The following DIAPH3 variants were observed in gnomAD, a reference collection of about 807,000 sequenced individuals.
The protein encoded by DIAPH3 is protein diaphanous homolog 3.
A neutral mutation model predicts 144.3 loss-of-function variants in DIAPH3; 117 were observed. That is an observed-to-expected ratio of 0.81 (90% CI 0.70 to 0.95). DIAPH3 has a LOEUF of 0.95. DIAPH3 is among the 40% of genes least tolerant of loss of function. The pLI is 0.00. For missense variants in DIAPH3, 1,421 were observed against 1,412.7 expected (o/e 1.01, Z -0.09); for synonymous variants, 519 against 488.9 (o/e 1.06, Z -0.81).
chr13:59,779,622 C>T (rs544957854), intron 25 of DIAPH3, among the ~76,000 whole-genome samples: 4 of 152,066 alleles, frequency 2.6e-5, no homozygotes, highest in African/African-American at 9.6e-5. Flanking sequence ...AGCGATTCTC[C>T]TGTCTCAGCC....
At chr13:59,971,196 C>T (rs1229948964) in intron 15 of DIAPH3, 36 bp from the exon 16 acceptor site, 1 of 1,540,900 alleles carries the variant, frequency 6.5e-7, no homozygotes, top group Non-Finnish European at 8.8e-7. Flanking sequence ...TAACTAAGAA[C>T]ATATCTACAA....
intron 4 of DIAPH3, among the ~76,000 whole-genome samples, chr13:60,074,628 A>C (rs1287444728): frequency 3.9e-5 from 6 of 152,228 alleles, no homozygotes; most frequent in African/African-American, 1.4e-4. Context: ...GTGCAAGATA[A>C]TCACTGCAAA....
chr13:59,953,414 A>C (rs1019601324), intron 17 of DIAPH3, among the ~76,000 whole-genome samples: 4 of 152,148 alleles, frequency 2.6e-5, no homozygotes, highest in African/African-American at 7.2e-5. Flanking sequence ...TGAAGGTAGA[A>C]AGAGAACTAC....
At position 60,104,909 on chromosome 13, in the gene DIAPH3, C is replaced by T. The variant is rs551027671; in HGVS notation, c.390+7101G>A. On this transcript the variant is annotated intron_variant, in intron 3 of 27. Coordinates refer to ENST00000400324, the MANE Select transcript of DIAPH3 (RefSeq NM_001042517.2). ...AGGAGATCGAGACCATCCTGGCTAACACGGTGAAACCCCGTCTCTGCTAAA... is the reference window on the plus strand; with the variant it reads ...AGGAGATCGAGACCATCCTGGCTAATACGGTGAAACCCCGTCTCTGCTAAA... Among the ~76,000 whole-genome samples, 134 of 152,092 alleles carry T rather than the reference C, an allele frequency of 8.8e-4. No individual in the cohort carries two copies. The South Asian group carries it at 0.01, about 12-fold the overall frequency.
intron 2 of DIAPH3, among the ~76,000 whole-genome samples, chr13:60,122,590 C>A (rs921337397): frequency 6.6e-6 from 1 of 152,132 alleles, no homozygotes; most frequent in African/African-American, 2.4e-5. Flanking sequence ...GCCTGGAACA[C>A]CCTAGCCATT....
intron 9 of DIAPH3, among the ~76,000 whole-genome samples, chr13:59,993,505 T>C (rs1185344456): frequency 4.6e-5 from 7 of 151,638 alleles, no homozygotes; most frequent in African/African-American, 1.5e-4. Flanking sequence ...GCAAGGTTTA[T>C]ATGAATTTAA....
chr13:59,777,364 T>C (rs897759213), intron 25 of DIAPH3, among the ~76,000 whole-genome samples: 5 of 152,024 alleles, frequency 3.3e-5, no homozygotes, highest in African/African-American at 4.8e-5. Flanking sequence ...AAAAAATACA[T>C]AGTAATAAAA....
intron 20 of DIAPH3, among the ~76,000 whole-genome samples, chr13:59,895,008 T>C (rs2046009048): frequency 6.6e-6 from 1 of 152,084 alleles, no homozygotes; most frequent in Admixed American, 6.5e-5. Context: ...GAATAAAAAC[T>C]GACCTAATGA....
At chr13:59,689,795 G>GTGTT (rs2033408981) in intron 27 of DIAPH3, among the ~76,000 whole-genome samples, 2 of 151,454 alleles carry the variant, frequency 1.3e-5, no homozygotes, top group Admixed American at 6.6e-5. Context: ...TAAGCAGTGT[G>GTGTT]TGTGTGTGTG....
chr13:59,890,587 CA>C (rs879260275), intron 20 of DIAPH3, among the ~76,000 whole-genome samples: 105 of 142,920 alleles, frequency 7.3e-4, no homozygotes, highest in Admixed American at 1.3e-3. Context: ...TTTTAAAATA[CA>C]AAAAAAAAAA....
At chr13:60,124,966 C>T (rs961834255) in intron 2 of DIAPH3, among the ~76,000 whole-genome samples, 1 of 152,152 alleles carries the variant, frequency 6.6e-6, no homozygotes, top group African/African-American at 2.4e-5. Context: ...AGCCAATCTG[C>T]CAGAGTTTTC....
intron 22 of DIAPH3, among the ~76,000 whole-genome samples, chr13:59,858,401 C>T (rs2043379929): frequency 6.6e-6 from 1 of 152,010 alleles, no homozygotes; most frequent in Admixed American, 6.6e-5. Flanking sequence ...GTTTCTGACA[C>T]AGTGTAATCA....
chr13:59,789,067 T>A (rs1228264128), intron 25 of DIAPH3, among the ~76,000 whole-genome samples: 1 of 152,170 alleles, frequency 6.6e-6, no homozygotes, highest in Non-Finnish European at 1.5e-5. Context: ...CAGTCGACCT[T>A]GTGTGTTATG....
chr13:59,832,485 G>T (rs1455368659), intron 24 of DIAPH3, among the ~76,000 whole-genome samples: 3 of 151,750 alleles, frequency 2.0e-5, no homozygotes, highest in Admixed American at 1.3e-4. Flanking sequence ...GTAGAAATAT[G>T]TCACCAGTTT....
intron 27 of DIAPH3, among the ~76,000 whole-genome samples, chr13:59,767,654 T>C (rs368105251): frequency 2.0e-5 from 3 of 152,230 alleles, no homozygotes; most frequent in African/African-American, 7.2e-5. Context: ...ATAATAATTA[T>C]AGTCCACTAT....
chr13:59,828,377 C>T (rs1001510267), intron 24 of DIAPH3, among the ~76,000 whole-genome samples: 7 of 151,846 alleles, frequency 4.6e-5, no homozygotes, highest in South Asian at 4.2e-4. Flanking sequence ...AATTATTATA[C>T]CCAAGGAGTA....
At chr13:60,152,986 G>A (rs904695164) in intron 1 of DIAPH3, among the ~76,000 whole-genome samples, 1 of 152,026 alleles carries the variant, frequency 6.6e-6, no homozygotes, top group Non-Finnish European at 1.5e-5. Context: ...TAAGTCTTAT[G>A]TTTTTTCAAG....
chr13:59,842,506 G>A (rs1342965679), intron 22 of DIAPH3, among the ~76,000 whole-genome samples: 1 of 152,074 alleles, frequency 6.6e-6, no homozygotes, highest in Non-Finnish European at 1.5e-5. Flanking sequence ...TACAATTGGA[G>A]TTAGTGCAGA....
chr13:60,032,335 T>C (rs758995567), intron 5 of DIAPH3, among the ~76,000 whole-genome samples: 3 of 152,220 alleles, frequency 2.0e-5, no homozygotes, highest in Non-Finnish European at 4.4e-5. Flanking sequence ...CATTTCCCCT[T>C]GGTACTACCT....
Sources: allele counts gnomAD v4.1 joint callset (sites outside exome capture counted in the v4.1 genomes callset), GRCh38; gene constraint gnomAD v4.1.1; transcripts MANE v1.5; gene names NCBI Gene and HGNC (gene_info 2026-07-23, HGNC 2026-07-21).